Variants in ATL3 observed in about 807,000 individuals in gnomAD.
ATL3 encodes the protein atlastin GTPase 3.
ATL3 carries 49 observed loss-of-function variants against 69.5 expected under a neutral mutation model. The observed-to-expected ratio is 0.71, with a 90% CI of 0.56 to 0.89. The LOEUF is 0.89. ATL3 is among the 40% of genes least tolerant of loss of function. The pLI, the probability that ATL3 is intolerant of heterozygous loss-of-function variation, is 0.00. For missense variants in ATL3, 606 were observed against 645.7 expected, an observed-to-expected ratio of 0.94 and a Z score of 0.67; for synonymous variants, 214 against 224.1, an observed-to-expected ratio of 0.95 and a Z score of 0.40.
chr11:63,652,672 C>G, intron 3 of ATL3, 97 bp from the exon 4 acceptor site: 2 of 784,846 alleles, frequency 2.5e-6, no homozygotes, highest in South Asian at 4.0e-5. Flanking sequence ...TACTTAAGTA[C>G]AGGTAATGTT....
At position 63,626,097 on chromosome 11, in the gene ATL3, C is replaced by T. The variant is rs528916343; in HGVS notation, c.*3222G>A. The T allele has an allele frequency of 1.3e-5, 2 of 152,038 alleles. No individual in the cohort carries two copies. Among genetic ancestry groups the T allele is most frequent in the Non-Finnish European group, 2.9e-5 (2 of 68,028 alleles). The allele number at this position is 152,038 out of a possible 1,614,324, so 9.4% of individuals were successfully genotyped here. A position where few individuals can be genotyped will look rare whatever the true frequency, so the allele number is the denominator to read the frequency against. ...TATACTACGAAAATAAGGCATGACT[C>T]AGCTGGGCGGGGTGGCTCATGCCTG... On this transcript the variant is annotated 3_prime_UTR_variant, in exon 13 of 13. Transcript: ENST00000398868.
At position 63,633,076 on chromosome 11, in the gene ATL3, A is replaced by G. The variant is rs575525185; in HGVS notation, c.1057T>C (p.Leu353=). 6.2e-7 allele frequency: 1 copy of G among 1,614,128 alleles called. No individual in the cohort carries two copies. The highest frequency in any genetic ancestry group is 1.1e-5 in the South Asian group (1 of 91,082). The change falls in exon 11 of 13, where the codon TTA becomes CTA. Residue 353 remains leucine, a synonymous_variant. Transcript: ENST00000398868. ...TCCTTGGCAGAGGCTGCAGCTGCTA[A>G]GTTGTTGGCTTCAGCAGTGGCCTTT... ...MLQATAEANN[L]AAAASAKDIY...
At chr11:63,642,271 A>G (rs1939723669) in intron 8 of ATL3, among the ~76,000 whole-genome samples, 1 of 152,214 alleles carries the variant, frequency 6.6e-6, no homozygotes, top group Admixed American at 6.5e-5. Flanking sequence ...TCAATCACGT[A>G]AAAGTATCAG....
intron 3 of ATL3, among the ~76,000 whole-genome samples, chr11:63,656,243 C>T (rs918203144): frequency 9.3e-5 from 14 of 150,832 alleles, no homozygotes; most frequent in Non-Finnish European, 1.6e-4. Flanking sequence ...AAAAGAACTA[C>T]ATCAAAACAC....
Sources: allele counts gnomAD v4.1 joint callset (sites outside exome capture counted in the v4.1 genomes callset), GRCh38; gene constraint gnomAD v4.1.1; transcripts MANE v1.5; gene names NCBI Gene and HGNC (gene_info 2026-07-23, HGNC 2026-07-21).